Variants in IGLL5 observed in about 807,000 individuals in gnomAD.
IGLL5 encodes the protein immunoglobulin lambda-like polypeptide 5.
IGLL5 carries 30 observed loss-of-function variants against 20.9 expected under a neutral mutation model. The observed-to-expected ratio is 1.44, with a 90% CI of 1.07 to 1.95. IGLL5 has a LOEUF of 1.95. Among genes scored for constraint, IGLL5 ranks in the 30% most tolerant of loss-of-function variants. The pLI is 0.00. For synonymous variants in IGLL5, 203 were observed against 117.3 expected, an observed-to-expected ratio of 1.73 and a Z score of -4.72; for missense variants, 475 against 270.7, an observed-to-expected ratio of 1.75 and a Z score of -5.30.
At chr22:22,894,397 AT>A in intron 2 of IGLL5, among the ~76,000 whole-genome samples, 1 of 151,440 alleles carries the variant, frequency 6.6e-6, no homozygotes, top group African/African-American at 2.4e-5. Flanking sequence ...TCATGAGGAC[AT>A]GGGGACACAG....
chr22:22,890,112 A>T (rs2067776415), intron 1 of IGLL5, among the ~76,000 whole-genome samples: 1 of 150,742 alleles, frequency 6.6e-6, no homozygotes. Flanking sequence ...CTCTTTTTGT[A>T]ATGAGTATAT....
chr22:22,889,414 G>A (rs2067716667), intron 1 of IGLL5, among the ~76,000 whole-genome samples: 1 of 151,270 alleles, frequency 6.6e-6, no homozygotes, highest in East Asian at 2.0e-4. Flanking sequence ...TCTAAACTGG[G>A]CAATTCCACT....
At chr22:22,893,852 AC>A (rs2146027526) in intron 2 of IGLL5, 34 bp downstream of exon 2, 3 of 1,382,404 alleles carry the variant, frequency 2.2e-6, no homozygotes, top group South Asian at 2.3e-5. Context: ...AGCCTGTCTC[AC>A]CCTCTGCTGT....
intron 2 of IGLL5, among the ~76,000 whole-genome samples, chr22:22,894,219 AGGG>A: frequency 6.8e-6 from 1 of 147,692 alleles, no homozygotes; most frequent in South Asian, 2.2e-4. Flanking sequence ...CTCATAGTCT[AGGG>A]GAGCAGCCCC....
chr22:22,894,539 T>G (rs2066665517), intron 2 of IGLL5, among the ~76,000 whole-genome samples: 2 of 151,530 alleles, frequency 1.3e-5, no homozygotes, highest in Admixed American at 6.6e-5. Context: ...CCAGTGTCTC[T>G]CTGTTCACGG....
chr22:22,894,036 C>G (rs1307502122), intron 2 of IGLL5, among the ~76,000 whole-genome samples: 1 of 150,446 alleles, frequency 6.6e-6, no homozygotes, highest in African/African-American at 2.5e-5. Flanking sequence ...GTCCCGGGGC[C>G]TGAGCTGGGA....
intron 1 of IGLL5, among the ~76,000 whole-genome samples, chr22:22,889,500 G>A (rs186768877): frequency 5.3e-5 from 8 of 151,288 alleles, no homozygotes; most frequent in Middle Eastern, 3.8e-3. Flanking sequence ...AGGGTGGTTA[G>A]CTCAGCATTA....
chr22:22,890,686 T>C (rs1178302481), intron 1 of IGLL5, among the ~76,000 whole-genome samples: 1 of 150,380 alleles, frequency 6.6e-6, no homozygotes, highest in Non-Finnish European at 1.5e-5. Context: ...ACTTTTGAAA[T>C]CTTATAGGTA....
At chr22:22,889,404 T>G (rs2067715770) in intron 1 of IGLL5, among the ~76,000 whole-genome samples, 1 of 151,168 alleles carries the variant, frequency 6.6e-6, no homozygotes, top group Admixed American at 6.6e-5. Flanking sequence ...AGTGTGTTTA[T>G]CTAAACTGGG....
chr22:22,894,108 T>A (rs536236188), intron 2 of IGLL5, among the ~76,000 whole-genome samples: 5 of 151,476 alleles, frequency 3.3e-5, no homozygotes, highest in African/African-American at 9.7e-5. Flanking sequence ...GGACAGAGGC[T>A]GGTTCTGATG....
chr22:22,894,557 T>G (rs904040786), intron 2 of IGLL5, among the ~76,000 whole-genome samples: 2 of 151,462 alleles, frequency 1.3e-5, no homozygotes, highest in African/African-American at 4.8e-5. Context: ...CGGATCGGCC[T>G]CCTGCCTTCC....
intron 1 of IGLL5, among the ~76,000 whole-genome samples, chr22:22,889,142 A>G (rs541186587): frequency 2.6e-5 from 4 of 151,020 alleles, no homozygotes; most frequent in East Asian, 4.1e-4. Flanking sequence ...GGCTGATGCG[A>G]CGCCCGATTA....
In IGLL5 at chr22:22,893,685, C is replaced by CG. The variant is rs758172744; in HGVS notation, c.207-14dup. 6.3e-5 allele frequency: 99 copies of CG among 1,566,612 alleles called. 1 individual carries two copies. Among genetic ancestry groups the CG allele is most frequent in the Non-Finnish European group, 8.4e-5 (96 of 1,144,712 alleles). On this transcript the variant is annotated splice_polypyrimidine_tract_variant and intron_variant, in intron 1 of 2. Coordinates refer to ENST00000526893, the MANE Select transcript of IGLL5 (RefSeq NM_001178126.2). ...GCCCCGCCCACTGCAACCCTGTGCC[C>CG]GTCATGCCCAGCAGGCTCCTGCTCC...
intron 1 of IGLL5, among the ~76,000 whole-genome samples, chr22:22,888,848 A>C (rs558581477): frequency 6.6e-6 from 1 of 151,228 alleles, no homozygotes; most frequent in Non-Finnish European, 1.5e-5. Context: ...CCATGTTTGG[A>C]GCAATAAAGG....
intron 1 of IGLL5, among the ~76,000 whole-genome samples, chr22:22,889,548 T>C (rs532298340): frequency 6.6e-6 from 1 of 151,256 alleles, no homozygotes; most frequent in East Asian, 2.0e-4. Context: ...TCCAAATATC[T>C]ACCAGAAAGG....
At position 22,895,353 on chromosome 22, in the gene IGLL5, A is replaced by G. The variant is rs1037075237; in HGVS notation, c.326-22A>G. The G allele has an allele frequency of 3.5e-5, 57 of 1,606,744 alleles. 1 individual carries two copies. Among genetic ancestry groups the G allele is most frequent in the Non-Finnish European group, 2.6e-6 (3 of 1,174,972 alleles). ...CCCGGTATTCTGTCTGCCCTCTCTC[A>G]CCCCCTTCCCTGTCCACACAGGTCA... is the stretch of plus-strand genomic sequence containing the variant. On this transcript the variant is annotated intron_variant, in intron 2 of 2. Transcript: ENST00000526893.
At position 22,888,898 on chromosome 22, in the gene IGLL5, T is replaced by G. The variant is rs567347643; in HGVS notation, c.206+639T>G. On this transcript the variant is annotated intron_variant, in intron 1 of 2. Transcript: ENST00000526893. The stretch of plus-strand genomic sequence containing the variant: ...CTCTGGGATGATGCCCAGGCTGGTC[T>G]CACAGATCGAGGGGCACTGGCTGGT... Among the ~76,000 whole-genome samples, 4 of 151,316 alleles carry G rather than the reference T, an allele frequency of 2.6e-5. No individual in the cohort carries two copies. In the East Asian group the frequency reaches 6.1e-4, roughly 23 times the overall value.
Position 22,888,147 on chromosome 22 carries a change from G to T in IGLL5, c.94G>T (p.Ala32Ser), listed in dbSNP as rs572956964. 1.3e-6 allele frequency: 2 copies of T among 1,549,396 alleles called. No individual in the cohort carries two copies. Among genetic ancestry groups the T allele is most frequent in the African/African-American group, 1.4e-5 (1 of 72,826 alleles). Residue 32 changes from alanine (A) to serine (S), a missense_variant, in exon 1 of 3, where the codon GCC (alanine) becomes TCC (serine). Coordinates refer to ENST00000526893, the MANE Select transcript of IGLL5 (RefSeq NM_001178126.2). ...QRWPLLLLGL[A>S]MVAHGLLRPM... ...CTGGCCCCTGCTGCTGCTGGGTCTG[G>T]CCATGGTCGCCCATGGCCTGCTGCG... is the stretch of plus-strand genomic sequence containing the variant.
At chr22:22,893,860 C>CCCCCTGA in intron 2 of IGLL5, 42 bp downstream of exon 2, 1 of 1,329,770 alleles carries the variant, frequency 7.5e-7, no homozygotes. Context: ...TCACCCTCTG[C>CCCCCTGA]TGTCCCTGGA....
Sources: gnomAD v4.1 joint callset for allele counts (sites outside exome capture counted in the v4.1 genomes callset) on GRCh38, gnomAD v4.1.1 for gene constraint, MANE v1.5 for transcripts, NCBI Gene and HGNC (gene_info 2026-07-23, HGNC 2026-07-21) for gene names.